Variants in TJP2 observed in about 807,000 individuals in gnomAD.
TJP2 encodes tight junction protein 2, also known as Friedreich ataxia region gene X104 (tight junction protein ZO-2).
In TJP2, 91 loss-of-function variants were observed where a neutral mutation model predicts 133.1. That is an observed-to-expected ratio of 0.68 (90% CI 0.58 to 0.81). The LOEUF is 0.81. Among genes scored for constraint, TJP2 ranks in the 40% least tolerant of loss-of-function variants. TJP2 has a pLI of 0.00. For synonymous variants in TJP2, 592 were observed against 583.4 expected (o/e 1.01, Z -0.21); for missense variants, 1,541 against 1,565.6 (o/e 0.98, Z 0.26).
rs778212657 is a variant in TJP2 at position 69,248,241 on chromosome 9, C to T, written c.2880+17C>T. 57 of 1,573,598 alleles carry T rather than the reference C, an allele frequency of 3.6e-5. No homozygotes were observed. The Admixed American group carries it at 1.0e-3, about 29-fold the overall frequency. On this transcript the variant is annotated intron_variant, in intron 19 of 22. Transcript: ENST00000377245. Reference sequence around the variant, plus strand: ...CACGAGGAGGTGAGGCGAGGCAGGCCACGGGCAGGAACAGGAGAGCCTGGT... The same window carrying T: ...CACGAGGAGGTGAGGCGAGGCAGGCTACGGGCAGGAACAGGAGAGCCTGGT...
At chr9:69,162,045 C>CAAAT (rs540289122) in intron 2 of TJP2, among the ~76,000 whole-genome samples, 1 of 148,312 alleles carries the variant, frequency 6.7e-6, no homozygotes, top group African/African-American at 2.5e-5. Flanking sequence ...AACTCCATCT[C>CAAAT]AAATAAATAA....
At chr9:69,215,430 A>G (rs1408216184) in intron 2 of TJP2, among the ~76,000 whole-genome samples, 2 of 150,160 alleles carry the variant, frequency 1.3e-5, no homozygotes, top group Non-Finnish European at 3.0e-5. Context: ...CCATTTGCCC[A>G]ATTTAAAGTG....
At chr9:69,196,299 T>C (rs946541) in intron 1 of TJP2, among the ~76,000 whole-genome samples, 141,466 of 152,334 alleles carry the variant, frequency 0.93, 65,682 homozygotes, top group Middle Eastern at 0.95. Context: ...ATGACCTCAA[T>C]CAACTTACTT....
chr9:69,204,139 C>A (rs1379065705), intron 1 of TJP2, among the ~76,000 whole-genome samples: 1 of 152,144 alleles, frequency 6.6e-6, no homozygotes, highest in Non-Finnish European at 1.5e-5. Flanking sequence ...TCCAACGCCC[C>A]ACAGCTAAGT....
chr9:69,253,904 T>C (rs532225115), intron 22 of TJP2: 17 of 433,670 alleles, frequency 3.9e-5, no homozygotes, highest in Non-Finnish European at 6.0e-5. Context: ...GGCAGAGACC[T>C]CGCTGCTGGG....
chr9:69,242,187 C>T (rs991577942), intron 17 of TJP2, among the ~76,000 whole-genome samples: 4 of 152,120 alleles, frequency 2.6e-5, no homozygotes, highest in Non-Finnish European at 4.4e-5. Context: ...AACCTGAGTC[C>T]GCATCATTTG....
In TJP2 at chr9:69,210,742, C is replaced by CTT. The variant is rs200516626; in HGVS notation, c.61-1786_61-1785dup. 2.1e-3 allele frequency among the ~76,000 whole-genome samples: 244 copies of CTT among 117,846 alleles called. 1 individual carries two copies. Among genetic ancestry groups the CTT allele is most frequent in the African/African-American group, 7.1e-3 (226 of 31,670 alleles). The allele number at this position is 117,846 out of a possible 152,430, so 77.3% of individuals were successfully genotyped here. A position where few individuals can be genotyped will look rare whatever the true frequency, so the allele number is the denominator to read the frequency against. On this transcript the variant is annotated intron_variant, in intron 1 of 22. Transcript: ENST00000377245. ...TGGCCTTTTTCAGGTATTTTGAGTT[C>CTT]TTTTTTTTTTTTTTTTTTTTTCTTA...
At chr9:69,145,623 C>A in intron 1 of TJP2, 1 of 850,050 alleles carries the variant, frequency 1.2e-6, no homozygotes, top group African/African-American at 1.8e-5. Flanking sequence ...AAAGGAACAG[C>A]AGCTTCCATT....
chr9:69,177,673 CTTGCTCTG>C (rs1249844587), intron 1 of TJP2, among the ~76,000 whole-genome samples: 1 of 151,302 alleles, frequency 6.6e-6, no homozygotes, highest in Non-Finnish European at 1.5e-5. Flanking sequence ...GAGATGGAGT[CTTGCTCTG>C]TTGCCCAGGC....
At chr9:69,184,855 A>T (rs1825746516) in intron 1 of TJP2, among the ~76,000 whole-genome samples, 1 of 117,504 alleles carries the variant, frequency 8.5e-6, no homozygotes, top group Non-Finnish European at 1.9e-5. Context: ...GGCTCAAGTG[A>T]TCCTCTCACC....
chr9:69,127,745 C>G (rs1479531268), intron 1 of TJP2, among the ~76,000 whole-genome samples: 1 of 74,908 alleles, frequency 1.3e-5, no homozygotes, highest in African/African-American at 4.1e-5. Flanking sequence ...GACTATGTGG[C>G]CCTTCATTGT....
At chr9:69,220,116 G>A (rs754690345) in intron 4 of TJP2, among the ~76,000 whole-genome samples, 9 of 151,942 alleles carry the variant, frequency 5.9e-5, no homozygotes, top group Non-Finnish European at 1.0e-4. Context: ...GTCCAGCCTG[G>A]GCAACAGAGC....
chr9:69,200,653 T>G (rs1369242291), intron 1 of TJP2, among the ~76,000 whole-genome samples: 3 of 152,186 alleles, frequency 2.0e-5, no homozygotes, highest in Admixed American at 1.3e-4. Flanking sequence ...TTCAGCCTCT[T>G]AAAGTGCTGG....
intron 1 of TJP2, among the ~76,000 whole-genome samples, chr9:69,175,889 C>T (rs956586747): frequency 1.6e-4 from 24 of 152,138 alleles, no homozygotes; most frequent in Non-Finnish European, 3.1e-4. Flanking sequence ...GAACTTTCCC[C>T]TCTGAAATGC....
intron 2 of TJP2, among the ~76,000 whole-genome samples, chr9:69,160,550 ACAGAAAAGCT>A (rs1240088570): frequency 6.6e-6 from 1 of 152,238 alleles, no homozygotes; most frequent in Non-Finnish European, 1.5e-5. Flanking sequence ...AGAGCATGGG[ACAGAAAAGCT>A]CAGAGACCAA....
chr9:69,237,277 T>A, intron 14 of TJP2, 141 bp downstream of exon 14: 1 of 1,026,532 alleles, frequency 9.7e-7, no homozygotes, highest in Non-Finnish European at 1.5e-6. Flanking sequence ...AATCAAATTC[T>A]AACAAGGAGC....
At chr9:69,122,504 A>G (rs1362541792) in intron 1 of TJP2, among the ~76,000 whole-genome samples, 1 of 152,182 alleles carries the variant, frequency 6.6e-6, no homozygotes, top group Admixed American at 6.5e-5. Context: ...TTTCTGACCC[A>G]TTTGTAAGGG....
chr9:69,197,121 C>T (rs1826637410), intron 1 of TJP2, among the ~76,000 whole-genome samples: 1 of 152,054 alleles, frequency 6.6e-6, no homozygotes, highest in Non-Finnish European at 1.5e-5. Flanking sequence ...AGTGCCACCA[C>T]ACCTGGCTAA....
upstream of TJP2, among the ~76,000 whole-genome samples, chr9:69,173,824 C>G (rs973535468): frequency 6.6e-6 from 1 of 152,214 alleles, no homozygotes; most frequent in Admixed American, 6.5e-5. Flanking sequence ...GGAAACACCG[C>G]GGACAGTCGG....
Sources: gnomAD v4.1 joint callset for allele counts (sites outside exome capture counted in the v4.1 genomes callset) on GRCh38, gnomAD v4.1.1 for gene constraint, MANE v1.5 for transcripts, NCBI Gene and HGNC (gene_info 2026-07-23, HGNC 2026-07-21) for gene names.